NAALADL2: variants seen among roughly 807,000 people sequenced by gnomAD.
NAALADL2 encodes N-acetylated alpha-linked acidic dipeptidase like 2.
In NAALADL2, 76 loss-of-function variants were observed where a neutral mutation model predicts 87.2. The ratio of observed to expected loss-of-function variants is 0.87; its 90% confidence interval spans 0.72 to 1.05. The LOEUF is 1.05. NAALADL2 is among the 50% of genes least tolerant of loss of function. The probability of loss-of-function intolerance (pLI) is 0.00; values close to 1 mark genes in which losing one functional copy is unlikely to be tolerated. For missense variants in NAALADL2, 1,089 were observed against 945.8 expected, an observed-to-expected ratio of 1.15 and a Z score of -1.99; for synonymous variants, 354 against 331.0, an observed-to-expected ratio of 1.07 and a Z score of -0.75.
chr3:175,563,009 T>A (rs531221493), intron 9 of NAALADL2, among the ~76,000 whole-genome samples: 3 of 152,056 alleles, frequency 2.0e-5, no homozygotes, highest in Admixed American at 6.6e-5. Flanking sequence ...AATGATAATT[T>A]ATAATAATTA....
At chr3:175,628,684 T>C (rs942802777) in intron 11 of NAALADL2, among the ~76,000 whole-genome samples, 16 of 148,418 alleles carry the variant, frequency 1.1e-4, no homozygotes, top group African/African-American at 1.2e-4. Context: ...TACATATATA[T>C]ACTTTCTTGA....
chr3:175,063,267 A>G (rs1373745998), intron 1 of NAALADL2, among the ~76,000 whole-genome samples: 1 of 152,170 alleles, frequency 6.6e-6, no homozygotes, highest in African/African-American at 2.4e-5. Context: ...ATCGCTTGTT[A>G]GTTAAATAGT....
Position 175,006,635 on chromosome 3 carries a change from T to C in NAALADL2, c.44-90155T>C, listed in dbSNP as rs1045435729. 6.8e-5 allele frequency among the ~76,000 whole-genome samples: 10 copies of C among 147,598 alleles called. 1 individual carries two copies. The highest frequency in any genetic ancestry group is 2.1e-4 in the African/African-American group (8 of 37,850). ...GTTTCTTGTGATAGGGAGTTCGAGG[T>C]AGGAGGAAAGCAGAAAAAAAAAATT... On this transcript the variant is annotated intron_variant, in intron 1 of 13. Transcript: ENST00000454872.
intron 3 of NAALADL2, among the ~76,000 whole-genome samples, chr3:174,796,951 G>A (rs530591321): frequency 7.6e-4 from 115 of 151,996 alleles, no homozygotes; most frequent in Non-Finnish European, 1.3e-3. Flanking sequence ...TGCAGATCTT[G>A]TTAGTTTAAT....
rs370809960 is a variant in NAALADL2 at position 174,502,884 on chromosome 3, C to A, written c.-183-47685C>A. 1.4e-4 allele frequency among the ~76,000 whole-genome samples: 21 copies of A among 152,008 alleles called. No homozygotes were observed. In the East Asian group the frequency reaches 4.1e-3, roughly 29 times the overall value. The stretch of plus-strand genomic sequence containing the variant: ...TCTCTACTAAAAATATAAAAATTAT[C>A]CAGGCGTGGTGGTGCGCGCCTGTAG... On this transcript the variant is annotated intron_variant, in intron 1 of 3. Transcript: ENST00000434257.
intron 1 of NAALADL2, among the ~76,000 whole-genome samples, chr3:174,549,803 A>G (rs970641845): frequency 2.0e-5 from 3 of 152,104 alleles, no homozygotes; most frequent in African/African-American, 7.2e-5. Context: ...CACATAGCCA[A>G]TCTCTCAGGA....
intron 2 of NAALADL2, among the ~76,000 whole-genome samples, chr3:175,201,448 T>A (rs1021997690): frequency 4.6e-5 from 7 of 152,336 alleles, no homozygotes; most frequent in Admixed American, 1.3e-4. Flanking sequence ...TTAAGATTAT[T>A]TTTTATTCTA....
chr3:174,987,835 CCTTGT>C (rs1746185252), intron 1 of NAALADL2, among the ~76,000 whole-genome samples: 1 of 129,038 alleles, frequency 7.7e-6, no homozygotes, highest in African/African-American at 3.9e-5. Flanking sequence ...TATAATGAGA[CCTTGT>C]CTCTCCAAGG....
intron 11 of NAALADL2, among the ~76,000 whole-genome samples, chr3:175,648,629 G>A (rs1431977764): frequency 6.6e-6 from 1 of 151,890 alleles, no homozygotes; most frequent in Admixed American, 6.6e-5. Context: ...AGAGCTTTCA[G>A]CTTCAACTGG....
At position 174,870,479 on chromosome 3, in the gene NAALADL2, C is replaced by T. The variant is rs1025120620; in HGVS notation, c.43+11029C>T. 8.6e-5 allele frequency among the ~76,000 whole-genome samples: 13 copies of T among 151,810 alleles called. No individual in the cohort carries two copies. In the South Asian group the frequency reaches 1.5e-3, roughly 17 times the overall value. On this transcript the variant is annotated intron_variant, in intron 1 of 13. Transcript: ENST00000454872. ...GACTCTATTTGAAGAAGGCAAAATACGGTTGGTATCAATGTTTACCCACGG... is the reference window on the plus strand; with the variant it reads ...GACTCTATTTGAAGAAGGCAAAATATGGTTGGTATCAATGTTTACCCACGG...
intron 1 of NAALADL2, among the ~76,000 whole-genome samples, chr3:175,072,647 T>C (rs998867967): frequency 2.2e-5 from 3 of 133,966 alleles, no homozygotes; most frequent in African/African-American, 8.5e-5. Context: ...TGCTTTTCTT[T>C]CTACTGAGTA....
intron 11 of NAALADL2, among the ~76,000 whole-genome samples, chr3:175,709,548 C>A (rs996553730): frequency 2.0e-5 from 3 of 152,100 alleles, no homozygotes; most frequent in Non-Finnish European, 4.4e-5. Context: ...CCCCAGGGGA[C>A]ATGTCCACCA....
intron 2 of NAALADL2, among the ~76,000 whole-genome samples, chr3:175,110,527 G>A (rs4505709): frequency 0.46 from 69,033 of 151,468 alleles, 15,855 homozygotes; most frequent in East Asian, 0.52. Flanking sequence ...TGGCCAAAGA[G>A]GGAAGAAGTT....
intron 1 of NAALADL2, among the ~76,000 whole-genome samples, chr3:174,959,103 C>T (rs1005089972): frequency 1.3e-5 from 2 of 151,876 alleles, no homozygotes; most frequent in African/African-American, 2.4e-5. Flanking sequence ...GACAACAGTT[C>T]CTTAAACATT....
intron 1 of NAALADL2, among the ~76,000 whole-genome samples, chr3:174,455,742 A>G (rs1197788377): frequency 2.6e-5 from 4 of 152,014 alleles, no homozygotes; most frequent in African/African-American, 4.8e-5. Flanking sequence ...GGAGCCATCT[A>G]TGAGAAACCC....
At chr3:174,554,242 G>A (rs1578154865) in intron 2 of NAALADL2, among the ~76,000 whole-genome samples, 2 of 151,840 alleles carry the variant, frequency 1.3e-5, no homozygotes, top group African/African-American at 4.8e-5. Flanking sequence ...AAACAAAATA[G>A]TATCATATCT....
chr3:175,398,020 G>T (rs186997099), intron 5 of NAALADL2, among the ~76,000 whole-genome samples: 2 of 152,090 alleles, frequency 1.3e-5, no homozygotes, highest in East Asian at 3.9e-4. Context: ...TTAAGGTATT[G>T]TGCCCCCAAA....
chr3:174,488,842 GGAA>G (rs1223567801), intron 1 of NAALADL2, among the ~76,000 whole-genome samples: 1 of 151,752 alleles, frequency 6.6e-6, no homozygotes, highest in Non-Finnish European at 1.5e-5. Flanking sequence ...CCTAACCTTT[GGAA>G]GCTACTCCTC....
intron 1 of NAALADL2, among the ~76,000 whole-genome samples, chr3:174,890,840 AT>A (rs1355183854): frequency 6.6e-6 from 1 of 152,316 alleles, no homozygotes; most frequent in Non-Finnish European, 1.5e-5. Flanking sequence ...ATCATAAAAA[AT>A]ATTGATTTCT....
Sources: gnomAD v4.1 joint callset for allele counts (sites outside exome capture counted in the v4.1 genomes callset) on GRCh38, gnomAD v4.1.1 for gene constraint, MANE v1.5 for transcripts, NCBI Gene and HGNC (gene_info 2026-07-23, HGNC 2026-07-21) for gene names.